Variants in FAM210A observed in about 807,000 individuals in gnomAD.
FAM210A encodes the protein mitochondrial inner membrane scaffold 1, also known as family with sequence similarity 210 member A.
Under a neutral mutation model 25.3 loss-of-function variants are expected in FAM210A, and 13 were observed. The ratio of observed to expected loss-of-function variants is 0.51; its 90% CI spans 0.33 to 0.82. FAM210A has a LOEUF of 0.82. FAM210A is among the 40% of genes least tolerant of loss of function. The probability of loss-of-function intolerance (pLI) is 0.02; values close to 1 mark genes in which losing one functional copy is unlikely to be tolerated. For synonymous variants in FAM210A, 125 were observed against 118.7 expected, an observed-to-expected ratio of 1.05 and a Z score of -0.35; for missense variants, 319 against 323.2, an observed-to-expected ratio of 0.99 and a Z score of 0.10.
intron 1 of FAM210A, among the ~76,000 whole-genome samples, chr18:13,720,510 C>A (rs1485778790): frequency 6.6e-6 from 1 of 152,146 alleles, no homozygotes; most frequent in Non-Finnish European, 1.5e-5. Flanking sequence ...CTCCAGTGGA[C>A]CCCTAGAAAT....
At position 13,681,852 on chromosome 18, in the gene FAM210A, G is replaced by GT; in HGVS notation, c.225dup (p.Pro76ThrfsTer9). 1 of 1,614,228 alleles carries GT rather than the reference G, an allele frequency of 6.2e-7. No individual in the cohort carries two copies. The highest frequency in any genetic ancestry group is 8.5e-7 in the Non-Finnish European group (1 of 1,180,044). On this transcript the variant is annotated frameshift_variant, in exon 2 of 4. Transcript: ENST00000651643. LOFTEE classifies it high-confidence loss of function. ...TTATGGCGAAGGACTCCTGGTTGGG[G>GT]TGGATGAGCATCCAATGGCCTCCTT...
At chr18:13,704,146 C>T (rs1210908264) in intron 1 of FAM210A, among the ~76,000 whole-genome samples, 1 of 151,906 alleles carries the variant, frequency 6.6e-6, no homozygotes, top group African/African-American at 2.4e-5. Flanking sequence ...ATTAAAACTA[C>T]TAAAAAAAAT....
At chr18:13,681,520 A>G in intron 2 of FAM210A, 85 bp downstream of exon 2, 1 of 1,105,394 alleles carries the variant, frequency 9.0e-7, no homozygotes, top group Non-Finnish European at 1.3e-6. Flanking sequence ...AAAGCATTTA[A>G]AAATCTAAAG....
chr18:13,707,253 A>T (rs761249281), intron 1 of FAM210A, among the ~76,000 whole-genome samples: 3 of 152,114 alleles, frequency 2.0e-5, no homozygotes, highest in Admixed American at 6.5e-5. Flanking sequence ...CAGAAGGGGG[A>T]ATTTTTTAAA....
intron 1 of FAM210A, among the ~76,000 whole-genome samples, chr18:13,693,977 A>G (rs1367174637): frequency 6.6e-6 from 1 of 152,224 alleles, no homozygotes; most frequent in African/African-American, 2.4e-5. Flanking sequence ...GTAGATTTAG[A>G]AAACCCCATC....
chr18:13,714,241 A>T lies in FAM210A; in HGVS notation c.-29+12088T>A, dbSNP rs575159133. ...ATAGGAGACATGTCAGACATGAGTT[A>T]CAAGTTTATAAACATACTATGTATT... On this transcript the variant is annotated intron_variant, in intron 1 of 3. Coordinates refer to ENST00000651643, the MANE Select transcript of FAM210A (RefSeq NM_152352.4). Among the ~76,000 whole-genome samples, 10 of 152,322 alleles carry T rather than the reference A, an allele frequency of 6.6e-5. No individual in the cohort carries two copies. The East Asian group carries it at 1.9e-3, about 29-fold the overall frequency.
At chr18:13,700,684 A>G (rs1056960183) in intron 1 of FAM210A, among the ~76,000 whole-genome samples, 1 of 152,232 alleles carries the variant, frequency 6.6e-6, no homozygotes, top group African/African-American at 2.4e-5. Context: ...TGAAGTTCTT[A>G]AAGCAAACTA....
At position 13,666,636 on chromosome 18, in the gene FAM210A, G is replaced by A. The variant is rs760664524; in HGVS notation, c.663C>T (p.Tyr221=). ...CCTTGACGGGTGGCGGCGTGGACATGTAGCCATGACTGCGCAGATACTTCA... is the reference window on the plus strand; with the variant it reads ...CCTTGACGGGTGGCGGCGTGGACATATAGCCATGACTGCGCAGATACTTCA... ...VTVKYLRSHG[Y]MSTPPPVKEY... Residue 221 remains tyrosine (Y), a synonymous_variant, in exon 4 of 4, where the codon TAC becomes TAT. Transcript: ENST00000651643. 61 of 1,613,996 alleles carry A rather than the reference G, an allele frequency of 3.8e-5. No individual in the cohort carries two copies. The highest frequency in any genetic ancestry group is 1.6e-4 in the Middle Eastern group (1 of 6,084).
chr18:13,672,515 T>C (rs1252872464), intron 2 of FAM210A, among the ~76,000 whole-genome samples: 2 of 152,158 alleles, frequency 1.3e-5, no homozygotes, highest in Non-Finnish European at 2.9e-5. Context: ...TTCAAGCGAT[T>C]CTCCTGCCTC....
At chr18:13,668,396 A>G (rs2043417374) in intron 3 of FAM210A, among the ~76,000 whole-genome samples, 1 of 152,084 alleles carries the variant, frequency 6.6e-6, no homozygotes, top group Admixed American at 6.5e-5. Flanking sequence ...ACGTGGTGTG[A>G]CAACATTCGA....
intron 1 of FAM210A, among the ~76,000 whole-genome samples, chr18:13,707,374 T>C (rs1191398635): frequency 6.6e-6 from 1 of 152,188 alleles, no homozygotes; most frequent in Non-Finnish European, 1.5e-5. Context: ...ACTAAAACTT[T>C]AAGGAAACAC....
intron 1 of FAM210A, 40 bp from the exon 2 acceptor site, chr18:13,682,145 G>T (rs1365504242): frequency 7.6e-7 from 1 of 1,316,290 alleles, no homozygotes; most frequent in Admixed American, 2.3e-5. Context: ...GTAATACTTA[G>T]GTTTCCATTT....
intron 1 of FAM210A, among the ~76,000 whole-genome samples, chr18:13,686,036 G>GA (rs542291226): frequency 4.9e-4 from 75 of 152,128 alleles, no homozygotes; most frequent in Non-Finnish European, 7.4e-4. Context: ...GTTCTTTGGG[G>GA]AAAAAATGAA....
In FAM210A at chr18:13,677,011, C is replaced by A. The variant is rs569368243; in HGVS notation, c.473+4594G>T. On this transcript the variant is annotated intron_variant, in intron 2 of 3. Transcript: ENST00000651643. ...AAGGGCTCTATTTGGCTGGGAGCATCGGCAAGACTCATGTCTCAAAAAACT... is the reference window on the plus strand; with the variant it reads ...AAGGGCTCTATTTGGCTGGGAGCATAGGCAAGACTCATGTCTCAAAAAACT... Among the ~76,000 whole-genome samples the A allele has an allele frequency of 1.1e-4, 16 of 151,746 alleles. 1 individual carries two copies. In the South Asian group the frequency reaches 3.3e-3, roughly 32 times the overall value.
chr18:13,699,865 A>G (rs1486537235), intron 1 of FAM210A, among the ~76,000 whole-genome samples: 1 of 152,172 alleles, frequency 6.6e-6, no homozygotes, highest in Non-Finnish European at 1.5e-5. Context: ...AACCAAGCTC[A>G]TATTCTTCCT....
At chr18:13,678,867 TG>T (rs1176474073) in intron 2 of FAM210A, among the ~76,000 whole-genome samples, 3 of 152,196 alleles carry the variant, frequency 2.0e-5, no homozygotes, top group Non-Finnish European at 2.9e-5. Context: ...TGCCTCACAG[TG>T]GATCTGTAAC....
At chr18:13,667,526 C>A (rs543823270) in intron 3 of FAM210A, among the ~76,000 whole-genome samples, 2 of 152,114 alleles carry the variant, frequency 1.3e-5, no homozygotes, top group East Asian at 3.9e-4. Flanking sequence ...CAAGACCAGC[C>A]TGGCCAACAT....
intron 2 of FAM210A, 109 bp downstream of exon 2, chr18:13,681,496 T>C: frequency 1.1e-6 from 1 of 879,454 alleles, no homozygotes; most frequent in Non-Finnish European, 1.7e-6. Flanking sequence ...TATCCTCTAT[T>C]GATGAAAAAC....
chr18:13,671,942 T>C lies in FAM210A; in HGVS notation c.505A>G (p.Ile169Val). The change falls in exon 3 of 4, where the codon ATT becomes GTT. Residue 169 changes from isoleucine to valine, a missense_variant. Ile to Val is a conservative substitution (Grantham distance 29). Transcript: ENST00000651643. ...CTTACCACACTGTCAGGTAACCCAATGAGTTCTAGAAAAGGAACGACATTC... is the reference window on the plus strand; with the variant it reads ...CTTACCACACTGTCAGGTAACCCAACGAGTTCTAGAAAAGGAACGACATTC... ...GVNVVPFLEL[I>V]GLPDSVVSIL... 6.2e-7 allele frequency: 1 copy of C among 1,612,550 alleles called. No individual in the cohort carries two copies. The highest frequency in any genetic ancestry group is 1.1e-5 in the South Asian group (1 of 91,028).
Sources: gnomAD v4.1 joint callset for allele counts (sites outside exome capture counted in the v4.1 genomes callset) on GRCh38, gnomAD v4.1.1 for gene constraint, MANE v1.5 for transcripts, NCBI Gene and HGNC (gene_info 2026-07-23, HGNC 2026-07-21) for gene names.